RANBP2: variants seen among roughly 807,000 people sequenced by gnomAD.
RANBP2 encodes RAN binding protein 2, also known as E3 SUMO-protein ligase RanBP2.
A neutral mutation model predicts 303.6 loss-of-function variants in RANBP2; 57 were observed. The ratio of observed to expected loss-of-function variants is 0.19; its 90% confidence interval spans 0.15 to 0.23. The LOEUF (loss-of-function observed/expected upper bound fraction) is 0.23. Ranked by LOEUF, RANBP2 falls within the 10% of genes least tolerant of loss-of-function variation. The pLI is 1.00. For synonymous variants in RANBP2, 1,167 were observed against 1,301.5 expected (o/e 0.90, Z 2.23); for missense variants, 3,138 against 3,780.8 (o/e 0.83, Z 4.46).
the RANBP2 span, chr2:109,545,844 C>T: frequency 4.9e-6 from 7 of 1,435,562 alleles, no homozygotes; most frequent in Middle Eastern, 2.6e-4. Flanking sequence ...ATACTGAACA[C>T]ATAACATGTG....
chr2:109,313,443 C>A, the RANBP2 span: 1 of 153,878 alleles, frequency 6.5e-6, no homozygotes, highest in Non-Finnish European at 1.5e-5. Context: ...AAGGCCAGGC[C>A]TCCCTGGCTG....
At chr2:108,955,190 C>G in the RANBP2 span, among the ~76,000 whole-genome samples, 8 of 152,112 alleles carry the variant, frequency 5.3e-5, no homozygotes, top group South Asian at 8.3e-4. Flanking sequence ...ATGTCTGTGC[C>G]TTGGTTGTCT....
chr2:109,634,283 C>A, the RANBP2 span, among the ~76,000 whole-genome samples: 1 of 151,704 alleles, frequency 6.6e-6, no homozygotes, highest in African/African-American at 2.4e-5. Flanking sequence ...TAAACAGAAA[C>A]CAATAGAAAC....
chr2:109,482,572 G>T, the RANBP2 span, among the ~76,000 whole-genome samples: 1 of 152,212 alleles, frequency 6.6e-6, no homozygotes, highest in African/African-American at 2.4e-5. Flanking sequence ...CCCGCGCCCA[G>T]CCCGGGGCCA....
chr2:109,213,246 G>A, the RANBP2 span, among the ~76,000 whole-genome samples: 2 of 152,166 alleles, frequency 1.3e-5, no homozygotes, highest in Non-Finnish European at 2.9e-5. Flanking sequence ...GCTCAGTGAT[G>A]TACTCAGGAC....
At chr2:109,524,460 AAAAAAAC>A in the RANBP2 span, among the ~76,000 whole-genome samples, 433 of 68,094 alleles carry the variant, frequency 6.4e-3, 5 homozygotes, top group African/African-American at 0.017. Context: ...AAAAAAAAAA[AAAAAAAC>A]AAAACAACAC....
At chr2:108,898,737 G>A in the RANBP2 span, among the ~76,000 whole-genome samples, 1 of 152,012 alleles carries the variant, frequency 6.6e-6, no homozygotes, top group Non-Finnish European at 1.5e-5. Flanking sequence ...AAAAATAATA[G>A]AAAATGTAAA....
the RANBP2 span, among the ~76,000 whole-genome samples, chr2:108,830,789 CAA>C: frequency 1.3e-4 from 20 of 150,348 alleles, no homozygotes; most frequent in African/African-American, 4.2e-4. Flanking sequence ...GCCTGGGCAA[CAA>C]GAGCAAAACT....
At chr2:109,230,269 A>G in the RANBP2 span, among the ~76,000 whole-genome samples, 1 of 152,164 alleles carries the variant, frequency 6.6e-6, no homozygotes, top group Non-Finnish European at 1.5e-5. Flanking sequence ...AAAGCCATAT[A>G]CTTCCAGTAG....
the RANBP2 span, chr2:108,876,222 G>C: frequency 1.2e-5 from 19 of 1,612,380 alleles, no homozygotes; most frequent in Non-Finnish European, 1.6e-5. Context: ...TTAACAAAAT[G>C]TAACTCCCTG....
the RANBP2 span, among the ~76,000 whole-genome samples, chr2:109,479,044 C>T: frequency 2.0e-5 from 3 of 152,126 alleles, no homozygotes; most frequent in Non-Finnish European, 4.4e-5. Context: ...ATGTGTCTGG[C>T]GGGTGGTGTT....
chr2:109,401,411 G>A, the RANBP2 span, among the ~76,000 whole-genome samples: 1 of 152,186 alleles, frequency 6.6e-6, no homozygotes, highest in Non-Finnish European at 1.5e-5. Context: ...AAGAGCAAAG[G>A]CCACTCTCAC....
the RANBP2 span, among the ~76,000 whole-genome samples, chr2:109,120,494 G>A: frequency 2.6e-5 from 4 of 151,990 alleles, no homozygotes; most frequent in African/African-American, 7.2e-5. Context: ...TCCCATGACC[G>A]CCCTCCACCC....
chr2:109,479,287 T>G, the RANBP2 span, among the ~76,000 whole-genome samples: 1 of 151,782 alleles, frequency 6.6e-6, no homozygotes, highest in Non-Finnish European at 1.5e-5. Context: ...GTCCTGTGAC[T>G]TAGTTAGGGG....
At chr2:109,497,999 G>T in the RANBP2 span, among the ~76,000 whole-genome samples, 1 of 152,298 alleles carries the variant, frequency 6.6e-6, no homozygotes, top group South Asian at 2.1e-4. Flanking sequence ...GATCCTGTGG[G>T]CCCTCGCAGC....
chr2:109,110,413 C>T, the RANBP2 span, among the ~76,000 whole-genome samples: 2 of 152,116 alleles, frequency 1.3e-5, no homozygotes, highest in Non-Finnish European at 2.9e-5. Flanking sequence ...ATATCCGTGT[C>T]CTTAATCTTG....
the RANBP2 span, among the ~76,000 whole-genome samples, chr2:109,548,469 C>A: frequency 6.6e-6 from 1 of 152,008 alleles, no homozygotes; most frequent in African/African-American, 2.4e-5. Flanking sequence ...CACGCATGAG[C>A]CACAGCGCCT....
chr2:109,311,987 T>A, the RANBP2 span, among the ~76,000 whole-genome samples: 1 of 152,002 alleles, frequency 6.6e-6, no homozygotes, highest in Non-Finnish European at 1.5e-5. Flanking sequence ...GGTGGTGAGG[T>A]CGGCTGCTGC....
the RANBP2 span, among the ~76,000 whole-genome samples, chr2:109,488,972 C>G: frequency 1.7e-4 from 26 of 152,168 alleles, no homozygotes; most frequent in Non-Finnish European, 3.2e-4. Flanking sequence ...CTGAAATCAC[C>G]CAGAACTCCC....
Sources: allele counts gnomAD v4.1 joint callset (sites outside exome capture counted in the v4.1 genomes callset), GRCh38; gene constraint gnomAD v4.1.1; transcripts MANE v1.5; gene names NCBI Gene and HGNC (gene_info 2026-07-23, HGNC 2026-07-21).